Variants in FCER1A observed in about 807,000 individuals in gnomAD.
The protein encoded by FCER1A is high affinity immunoglobulin epsilon receptor subunit alpha.
A neutral mutation model predicts 23.6 loss-of-function variants in FCER1A; 24 were observed. The observed-to-expected ratio is 1.02, with a 90% CI of 0.74 to 1.43. The LOEUF (loss-of-function observed/expected upper bound fraction) is 1.43, where lower values mean the gene tolerates loss of function less well. Among genes scored for constraint, FCER1A ranks in the 40% most tolerant of loss-of-function variants. The pLI is 0.00. For missense variants in FCER1A, 318 were observed against 294.5 expected, an observed-to-expected ratio of 1.08 and a Z score of -0.58; for synonymous variants, 121 against 108.8, an observed-to-expected ratio of 1.11 and a Z score of -0.70.
chr1:159,286,148 C>G (rs961949935), upstream of FCER1A, among the ~76,000 whole-genome samples: 1 of 151,708 alleles, frequency 6.6e-6, no homozygotes, highest in Non-Finnish European at 1.5e-5. Flanking sequence ...CGAGATCATG[C>G]CACTGCACTC....
At chr1:159,307,146 G>A (rs1022609805) in intron 4 of FCER1A, among the ~76,000 whole-genome samples, 3 of 152,116 alleles carry the variant, frequency 2.0e-5, no homozygotes, top group Non-Finnish European at 2.9e-5. Flanking sequence ...TTTTTCATAG[G>A]TCTTTCACAT....
At position 159,307,891 on chromosome 1, in the gene FCER1A, C is replaced by A. The variant is rs779231575; in HGVS notation, c.733C>A (p.Leu245Ile). Residue 245 changes from leucine (L) to isoleucine (I), a missense_variant, in exon 5 of 5, where the codon CTT (leucine) becomes ATT (isoleucine). Coordinates refer to ENST00000693622, the MANE Select transcript of FCER1A (RefSeq NM_001387280.1). Reference sequence around the variant, plus strand: ...TAAGAGAACCAGGAAAGGCTTCAGACTTCTGAACCCACATCCTAAGCCAAA... The same window carrying A: ...TAAGAGAACCAGGAAAGGCTTCAGAATTCTGAACCCACATCCTAAGCCAAA... ...KIKRTRKGFR[L>I]LNPHPKPNPK... The A allele has an allele frequency of 5.3e-5, 86 of 1,612,806 alleles. No homozygotes were observed. Among genetic ancestry groups the A allele is most frequent in the Non-Finnish European group, 7.0e-5 (82 of 1,179,084 alleles).
At chr1:159,303,494 C>T (rs1232030209) in intron 2 of FCER1A, among the ~76,000 whole-genome samples, 1 of 152,126 alleles carries the variant, frequency 6.6e-6, no homozygotes, top group African/African-American at 2.4e-5. Context: ...CCTTATATTT[C>T]ATCCAGTCCA....
upstream of FCER1A, among the ~76,000 whole-genome samples, chr1:159,297,627 T>G (rs906932854): frequency 1.3e-5 from 2 of 152,240 alleles, no homozygotes; most frequent in Non-Finnish European, 2.9e-5. Context: ...AGACTCAAAC[T>G]TTAGAGCTTG....
At chr1:159,293,349 G>A (rs919103128) in intron 1 of FCER1A, among the ~76,000 whole-genome samples, 4 of 151,280 alleles carry the variant, frequency 2.6e-5, no homozygotes, top group Admixed American at 6.6e-5. Flanking sequence ...CCTTCTACTC[G>A]CTATGCTTCA....
chr1:159,302,908 A>G, intron 2 of FCER1A, 34 bp downstream of exon 2: 1 of 1,604,774 alleles, frequency 6.2e-7, no homozygotes, highest in Non-Finnish European at 8.5e-7. Flanking sequence ...TTGGTGTTTC[A>G]ACATGTCTGG....
At chr1:159,302,723 T>C in intron 1 of FCER1A, 131 bp from the exon 2 acceptor site, 1 of 851,464 alleles carries the variant, frequency 1.2e-6, no homozygotes, top group Non-Finnish European at 2.0e-6. Context: ...TTCCCCTGAT[T>C]CTGATTCCTG....
intron 1 of FCER1A, 79 bp from the exon 2 acceptor site, chr1:159,302,775 A>G: frequency 7.7e-7 from 1 of 1,298,562 alleles, no homozygotes; most frequent in Non-Finnish European, 1.1e-6. Flanking sequence ...TGTAGATCTT[A>G]TCCCCACACC....
At position 159,307,750 on chromosome 1, in the gene FCER1A, C is replaced by T; in HGVS notation, c.592C>T (p.Pro198Ser). ...EPLNITVIKAPREKYWLQFFI... is the reference protein window; with the variant it reads ...EPLNITVIKASREKYWLQFFI... ...ATTGCATCTGTGTTCCACTACAGCT[C>T]CGCGTGAGAAGTACTGGCTACAATT... is the stretch of plus-strand genomic sequence containing the variant. Residue 198 changes from proline (P) to serine (S), a missense_variant and splice_region_variant, in exon 5 of 5, where the codon CCG (proline) becomes TCG (serine). By Grantham distance (74) the Pro-to-Ser change is moderately conservative (BLOSUM62 -1). Coordinates refer to ENST00000693622, the MANE Select transcript of FCER1A (RefSeq NM_001387280.1). 6.3e-7 allele frequency: 1 copy of T among 1,597,582 alleles called. No homozygotes were observed. Among genetic ancestry groups the T allele is most frequent in the Non-Finnish European group, 8.6e-7 (1 of 1,167,262 alleles).
chr1:159,293,532 A>T (rs1202754601), intron 1 of FCER1A, among the ~76,000 whole-genome samples: 1 of 129,270 alleles, frequency 7.7e-6, no homozygotes. Flanking sequence ...TCCTAAAGCT[A>T]TCCCTCCCCC....
At chr1:159,283,683 T>G in the FCER1A span, among the ~76,000 whole-genome samples, 2 of 143,324 alleles carry the variant, frequency 1.4e-5, no homozygotes, top group African/African-American at 5.5e-5. Context: ...CAGTTCTCTC[T>G]AATATCAAAG....
At chr1:159,296,436 T>C (rs1652294896) in intron 1 of FCER1A, among the ~76,000 whole-genome samples, 2 of 152,206 alleles carry the variant, frequency 1.3e-5, no homozygotes, top group Admixed American at 1.3e-4. Context: ...ACAAATATCA[T>C]GAACAGTGTA....
chr1:159,298,099 C>T (rs12119586), upstream of FCER1A, among the ~76,000 whole-genome samples: 1 of 152,028 alleles, frequency 6.6e-6, no homozygotes, highest in Admixed American at 6.6e-5. Context: ...TTGTTTGAGT[C>T]CACCTTATGG....
intron 1 of FCER1A, among the ~76,000 whole-genome samples, chr1:159,293,319 A>G (rs534023250): frequency 4.0e-5 from 6 of 151,198 alleles, no homozygotes; most frequent in East Asian, 2.0e-4. Context: ...TGTATCTCCA[A>G]TCTCGTTTTA....
Position 159,302,868 on chromosome 1 carries a change from T to C in FCER1A, c.70T>C (p.Leu24=). The C allele has an allele frequency of 2.5e-6, 4 of 1,613,950 alleles. No individual in the cohort carries two copies. Among genetic ancestry groups the C allele is most frequent in the Non-Finnish European group, 2.5e-6 (3 of 1,179,796 alleles). Residue 24 remains leucine, a synonymous_variant, in exon 2 of 5, where the codon TTA becomes CTA. Coordinates refer to ENST00000693622, the MANE Select transcript of FCER1A (RefSeq NM_001387280.1). The stretch of plus-strand genomic sequence containing the variant: ...GACTTTTGCAGCTCCAGATGGCGTG[T>C]TAGCAGGTGAGTCCTCTGTTCTTGT... ...ALLFFAPDGV[L]AVPQKPKVSL...
At position 159,306,018 on chromosome 1, in the gene FCER1A, TG is replaced by T; in HGVS notation, c.364del (p.Val122Ter). 2 of 1,613,684 alleles carry T rather than the reference TG, an allele frequency of 1.2e-6. No homozygotes were observed. Among genetic ancestry groups the T allele is most frequent in the Non-Finnish European group, 1.7e-6 (2 of 1,179,794 alleles). On this transcript the variant is annotated frameshift_variant, in exon 4 of 5. Transcript: ENST00000693622. LOFTEE classifies it high-confidence loss of function. ...CTGCTCCTTCAGGCCTCTGCTGAGG[TG>T]GTGATGGAGGGCCAGCCCCTCTTCC... is the stretch of plus-strand genomic sequence containing the variant. ...DWLLLQASAE[V>X]VMEGQPLFLR...
At chr1:159,297,162 A>G (rs930655893) in intron 1 of FCER1A, among the ~76,000 whole-genome samples, 3 of 152,158 alleles carry the variant, frequency 2.0e-5, no homozygotes, top group Non-Finnish European at 4.4e-5. Flanking sequence ...GACTCTGCAC[A>G]ATGGGGATTT....
intron 1 of FCER1A, 132 bp from the exon 2 acceptor site, chr1:159,302,722 T>C: frequency 1.2e-6 from 1 of 845,210 alleles, no homozygotes; most frequent in Non-Finnish European, 2.0e-6. Context: ...CTTCCCCTGA[T>C]TCTGATTCCT....
chr1:159,291,476 G>A (rs977958221), intron 1 of FCER1A, among the ~76,000 whole-genome samples: 2 of 152,026 alleles, frequency 1.3e-5, no homozygotes, highest in African/African-American at 2.4e-5. Flanking sequence ...TTTGCAGAAT[G>A]CAAAACAATT....
Sources: allele counts gnomAD v4.1 joint callset (sites outside exome capture counted in the v4.1 genomes callset), GRCh38; gene constraint gnomAD v4.1.1; transcripts MANE v1.5; gene names NCBI Gene and HGNC (gene_info 2026-07-23, HGNC 2026-07-21).